SLC22A3: variants seen among roughly 807,000 people sequenced by gnomAD.
The protein encoded by SLC22A3 is solute carrier family 22 member 3.
In SLC22A3, 51 loss-of-function variants were observed where a neutral mutation model predicts 59.1. The observed-to-expected ratio is 0.86, with a 90% CI of 0.69 to 1.09. The LOEUF is 1.09. Ranked by LOEUF, SLC22A3 falls within the 50% of genes least tolerant of loss-of-function variation. SLC22A3 has a pLI of 0.00. For missense variants in SLC22A3, 711 were observed against 726.3 expected (o/e 0.98, Z 0.24); for synonymous variants, 325 against 292.0 (o/e 1.11, Z -1.15).
At chr6:160,368,596 C>T (rs1352534982) in intron 1 of SLC22A3, among the ~76,000 whole-genome samples, 2 of 152,200 alleles carry the variant, frequency 1.3e-5, no homozygotes, top group Non-Finnish European at 2.9e-5. Context: ...ATCATCTCTA[C>T]ATTCTCACCT....
intron 5 of SLC22A3, among the ~76,000 whole-genome samples, chr6:160,428,605 G>A (rs1788046087): frequency 1.3e-5 from 2 of 152,158 alleles, no homozygotes; most frequent in African/African-American, 4.8e-5. Context: ...TAAATGAAAA[G>A]TATTATAAAT....
chr6:160,447,428 C>T (rs1167123494), intron 9 of SLC22A3, among the ~76,000 whole-genome samples: 1 of 152,124 alleles, frequency 6.6e-6, no homozygotes, highest in African/African-American at 2.4e-5. Flanking sequence ...GGAGAGGAGG[C>T]CTTGGGTGTT....
intron 5 of SLC22A3, among the ~76,000 whole-genome samples, chr6:160,424,890 C>T (rs753821625): frequency 8.5e-5 from 13 of 152,178 alleles, no homozygotes; most frequent in Non-Finnish European, 1.8e-4. Context: ...TACTTACACA[C>T]GTTTTGATTA....
At chr6:160,443,315 G>GAATAT (rs767887505) in intron 8 of SLC22A3, among the ~76,000 whole-genome samples, 1 of 152,192 alleles carries the variant, frequency 6.6e-6, no homozygotes, top group African/African-American at 2.4e-5. Context: ...CTCTGCTGAG[G>GAATAT]AAGCATTCCC....
At chr6:160,450,286 C>T (rs1353766210) in intron 10 of SLC22A3, among the ~76,000 whole-genome samples, 1 of 152,116 alleles carries the variant, frequency 6.6e-6, no homozygotes, top group Non-Finnish European at 1.5e-5. Context: ...ATATTCCTTG[C>T]TAGGAAAAGA....
chr6:160,425,596 A>G (rs1041025750), intron 5 of SLC22A3, among the ~76,000 whole-genome samples: 1 of 152,070 alleles, frequency 6.6e-6, no homozygotes, highest in Non-Finnish European at 1.5e-5. Flanking sequence ...TTTTCATCAT[A>G]TAAATATGCA....
At chr6:160,373,524 A>T (rs1785476243) in intron 1 of SLC22A3, among the ~76,000 whole-genome samples, 1 of 152,154 alleles carries the variant, frequency 6.6e-6, no homozygotes, top group Admixed American at 6.5e-5. Flanking sequence ...CCTTAGCAGA[A>T]CTTGAGTGCT....
At chr6:160,360,063 T>A (rs1784965165) in intron 1 of SLC22A3, among the ~76,000 whole-genome samples, 1 of 152,216 alleles carries the variant, frequency 6.6e-6, no homozygotes, top group Non-Finnish European at 1.5e-5. Context: ...TCTTATTTGA[T>A]AGCATGCTAT....
chr6:160,371,582 T>C (rs1380717614), intron 1 of SLC22A3, among the ~76,000 whole-genome samples: 5 of 152,248 alleles, frequency 3.3e-5, no homozygotes, highest in African/African-American at 7.2e-5. Flanking sequence ...CAGTCTATCA[T>C]TGATGGACAT....
At position 160,398,097 on chromosome 6, in the gene SLC22A3, G is replaced by A. The variant is rs1225415228; in HGVS notation, c.533+15G>A. 3.2e-6 allele frequency: 5 copies of A among 1,572,030 alleles called. No homozygotes were observed. The East Asian group carries it at 6.7e-5, about 21-fold the overall frequency. ...GCAGCAGACAGGTAGGTACCAATGT[G>A]ACAGCCATTTTATGTCACTATAATA... On this transcript the variant is annotated intron_variant, in intron 2 of 10. Transcript: ENST00000275300.
At position 160,386,810 on chromosome 6, in the gene SLC22A3, C is replaced by T. The variant is rs1786038798; in HGVS notation, c.430-11169C>T. Among the ~76,000 whole-genome samples the T allele has an allele frequency of 3.3e-5, 5 of 152,224 alleles. No homozygotes were observed. In the South Asian group the frequency reaches 6.2e-4, roughly 19 times the overall value. On this transcript the variant is annotated intron_variant, in intron 1 of 10. Transcript: ENST00000275300. ...CATTATTGCTGTTGCTTTGGAGCCT[C>T]TTATGGGACTGGAATCTGTGGAGAG...
chr6:160,442,736 C>T, intron 7 of SLC22A3, 25 bp from the exon 8 acceptor site: 1 of 1,543,744 alleles, frequency 6.5e-7, no homozygotes, highest in African/African-American at 1.4e-5. Context: ...CTAACTCCTC[C>T]CTTTCAAACT....
At chr6:160,400,947 T>C (rs1786749328) in intron 2 of SLC22A3, among the ~76,000 whole-genome samples, 1 of 138,028 alleles carries the variant, frequency 7.2e-6, no homozygotes, top group Non-Finnish European at 1.5e-5. Context: ...AAAGAATCTC[T>C]GGCCTTGAGG....
At position 160,417,517 on chromosome 6, in the gene SLC22A3, A is replaced by G. The variant is rs79606256; in HGVS notation, c.975+6671A>G. Among the ~76,000 whole-genome samples, 652 of 152,332 alleles carry G rather than the reference A, an allele frequency of 4.3e-3. 2 individuals are homozygous for G. The highest frequency in any genetic ancestry group is 0.014 in the Middle Eastern group (4 of 294). ...ATATTACTAGTTCAACTGCCAGAGT[A>G]GGGTTCAACACATTCTTTGGTGATG... On this transcript the variant is annotated intron_variant, in intron 5 of 10. Coordinates refer to ENST00000275300, the MANE Select transcript of SLC22A3 (RefSeq NM_021977.4).
Position 160,409,806 on chromosome 6 carries a change from G to A in SLC22A3, c.857+885G>A, listed in dbSNP as rs316240. On this transcript the variant is annotated intron_variant, in intron 4 of 10. Coordinates refer to ENST00000275300, the MANE Select transcript of SLC22A3 (RefSeq NM_021977.4). ...TAAGTAGGGTACTGCATTATGTTTTGTTTTGTAATAAATAGCTTCATGAAA... is the reference window on the plus strand; with the variant it reads ...TAAGTAGGGTACTGCATTATGTTTTATTTTGTAATAAATAGCTTCATGAAA... Among the ~76,000 whole-genome samples the A allele has an allele frequency of 1.8e-3, 279 of 152,254 alleles. 4 individuals are homozygous for A. In the East Asian group the frequency reaches 0.044, roughly 24 times the overall value.
intron 3 of SLC22A3, 144 bp downstream of exon 3, chr6:160,407,339 G>A: frequency 3.5e-6 from 3 of 845,560 alleles, no homozygotes; most frequent in Non-Finnish European, 3.6e-6. Flanking sequence ...TCTGCAGATG[G>A]GAGAGCTCAG....
In SLC22A3 at chr6:160,354,693, G is replaced by C. The variant is rs1001989395; in HGVS notation, c.429+5845G>C. ...CCGAGTGTGGTGATGCATGCCTGTA[G>C]TCCTATCTACTCAGAAGGTTGAACC... On this transcript the variant is annotated intron_variant, in intron 1 of 10. Transcript: ENST00000275300. Among the ~76,000 whole-genome samples, 4 of 152,198 alleles carry C rather than the reference G, an allele frequency of 2.6e-5. 1 individual carries two copies. The highest frequency in any genetic ancestry group is 2.6e-4 in the Admixed American group (4 of 15,272).
chr6:160,382,129 A>G (rs1180516974), intron 1 of SLC22A3, among the ~76,000 whole-genome samples: 1 of 152,236 alleles, frequency 6.6e-6, no homozygotes, highest in African/African-American at 2.4e-5. Flanking sequence ...CTTGTCTTAG[A>G]AAAAGAAATA....
intron 1 of SLC22A3, among the ~76,000 whole-genome samples, chr6:160,384,118 C>T (rs377466399): frequency 5.3e-5 from 8 of 152,234 alleles, no homozygotes; most frequent in East Asian, 1.9e-4. Context: ...TTAGTAGAGA[C>T]GGGGTTTTCC....
Sources: gnomAD v4.1 joint callset for allele counts (sites outside exome capture counted in the v4.1 genomes callset) on GRCh38, gnomAD v4.1.1 for gene constraint, MANE v1.5 for transcripts, NCBI Gene and HGNC (gene_info 2026-07-23, HGNC 2026-07-21) for gene names.